CTNND2: variants seen among roughly 807,000 people sequenced by gnomAD.
The protein encoded by CTNND2 is catenin delta-2.
Under a neutral mutation model 144.4 loss-of-function variants are expected in CTNND2, and 22 were observed. The observed-to-expected ratio is 0.15, with a 90% CI of 0.11 to 0.22. CTNND2 has a LOEUF of 0.22. CTNND2 is among the 10% of genes least tolerant of loss of function. The pLI, the probability that CTNND2 is intolerant of heterozygous loss-of-function variation, is 1.00. For missense variants in CTNND2, 1,353 were observed against 1,618.8 expected (o/e 0.84, Z 2.82); for synonymous variants, 751 against 695.6 (o/e 1.08, Z -1.25).
chr5:11,466,408 A>G (rs2149944771), intron 3 of CTNND2, among the ~76,000 whole-genome samples: 1 of 152,322 alleles, frequency 6.6e-6, no homozygotes, highest in Middle Eastern at 3.4e-3. Flanking sequence ...TCAATTTACT[A>G]CTAAGTTCCT....
At chr5:11,865,801 G>A (rs1582029633) in intron 1 of CTNND2, among the ~76,000 whole-genome samples, 1 of 148,372 alleles carries the variant, frequency 6.7e-6, no homozygotes, top group Non-Finnish European at 1.5e-5. Context: ...AACTATAGAC[G>A]TAATGTGGAA....
At chr5:11,879,376 A>ATATATATATGTAT (rs1735856769) in intron 1 of CTNND2, among the ~76,000 whole-genome samples, 1 of 80,512 alleles carries the variant, frequency 1.2e-5, no homozygotes. Flanking sequence ...CACACACACA[A>ATATATATATGTAT]ACATATACAT....
At chr5:11,082,510 CT>C (rs1749683315) in intron 16 of CTNND2, among the ~76,000 whole-genome samples, 185 bp downstream of exon 16, 1 of 152,256 alleles carries the variant, frequency 6.6e-6, no homozygotes, top group Non-Finnish European at 1.5e-5. Context: ...ACATTTTCCT[CT>C]AAATTCTAAA....
At chr5:11,307,009 C>T (rs566025331) in intron 9 of CTNND2, among the ~76,000 whole-genome samples, 46 of 152,256 alleles carry the variant, frequency 3.0e-4, no homozygotes, top group African/African-American at 1.0e-3. Flanking sequence ...CCTAGGGGTG[C>T]AGGTTGAAGG....
chr5:11,638,532 C>T (rs1026917721), intron 2 of CTNND2, among the ~76,000 whole-genome samples: 10 of 152,154 alleles, frequency 6.6e-5, no homozygotes, highest in Non-Finnish European at 1.2e-4. Flanking sequence ...ATGTTTCCCG[C>T]ACAAAAGTTG....
chr5:11,410,163 A>G (rs1197419429), intron 5 of CTNND2, among the ~76,000 whole-genome samples: 1 of 152,158 alleles, frequency 6.6e-6, no homozygotes, highest in Non-Finnish European at 1.5e-5. Context: ...CCTACAAGAG[A>G]AATATATTTA....
chr5:11,355,305 C>T (rs1042169122), intron 8 of CTNND2, among the ~76,000 whole-genome samples: 7 of 151,814 alleles, frequency 4.6e-5, no homozygotes, highest in African/African-American at 1.7e-4. Context: ...TTAAAAAGAT[C>T]GTTCACTATG....
chr5:11,302,051 T>TGGGATCCTTGGCACACCAC (rs1749667753), intron 9 of CTNND2, among the ~76,000 whole-genome samples: 1 of 152,158 alleles, frequency 6.6e-6, no homozygotes, highest in Admixed American at 6.5e-5. Flanking sequence ...GAGCTGGAGC[T>TGGGATCCTTGGCACACCAC]GAGAGGTAAC....
chr5:11,585,032 C>T (rs138713719), intron 2 of CTNND2, among the ~76,000 whole-genome samples: 1 of 152,082 alleles, frequency 6.6e-6, no homozygotes, highest in Non-Finnish European at 1.5e-5. Context: ...GGGAGAGCTG[C>T]GGCATTACAA....
chr5:11,149,400 G>A (rs1757540140), intron 12 of CTNND2, among the ~76,000 whole-genome samples: 1 of 152,186 alleles, frequency 6.6e-6, no homozygotes, highest in African/African-American at 2.4e-5. Flanking sequence ...GTCCAGACAG[G>A]ACTATTATGG....
At chr5:11,000,138 AAC>A (rs1739784747) in intron 18 of CTNND2, among the ~76,000 whole-genome samples, 1 of 152,232 alleles carries the variant, frequency 6.6e-6, no homozygotes, top group Non-Finnish European at 1.5e-5. Context: ...GACTTCTACT[AAC>A]AGTTTGAATG....
intron 12 of CTNND2, among the ~76,000 whole-genome samples, chr5:11,147,915 A>AGAGTGAACACC (rs1561383684): frequency 6.6e-6 from 1 of 152,006 alleles, no homozygotes; most frequent in Non-Finnish European, 1.5e-5. Flanking sequence ...GAGTGAACAC[A>AGAGTGAACACC]GCTCACATGT....
chr5:11,536,826 G>T (rs1774257691), intron 3 of CTNND2, among the ~76,000 whole-genome samples: 1 of 151,986 alleles, frequency 6.6e-6, no homozygotes, highest in Non-Finnish European at 1.5e-5. Flanking sequence ...CACCACTAAA[G>T]AACTTATTTA....
intron 2 of CTNND2, among the ~76,000 whole-genome samples, chr5:11,582,006 AGACTTTT>A (rs1778473365): frequency 6.6e-6 from 1 of 152,208 alleles, no homozygotes; most frequent in Non-Finnish European, 1.5e-5. Context: ...CTTACTCAGA[AGACTTTT>A]ACTGACCAAG....
chr5:11,590,631 T>C (rs2530914), intron 2 of CTNND2, among the ~76,000 whole-genome samples: 41,196 of 151,384 alleles, frequency 0.27, 5,980 homozygotes, highest in African/African-American at 0.38. Context: ...ACACCCTCCC[T>C]GCCCTTGTAA....
chr5:11,297,693 A>G (rs1309948284), intron 9 of CTNND2, among the ~76,000 whole-genome samples: 1 of 152,188 alleles, frequency 6.6e-6, no homozygotes, highest in Non-Finnish European at 1.5e-5. Flanking sequence ...ATAATTTTTA[A>G]GAGTGTAAGG....
rs79510745 is a variant in CTNND2, at chr5:11,507,772, G to A, written c.287+57172C>T. ...TGTGAACAGCAGAAGAAATACGGTC[G>A]TGTGCAGATCACAGCACGAGCAGCC... On this transcript the variant is annotated intron_variant, in intron 3 of 21. Coordinates refer to ENST00000304623, the MANE Select transcript of CTNND2 (RefSeq NM_001332.4). 6.9e-3 allele frequency among the ~76,000 whole-genome samples: 1,053 copies of A among 152,306 alleles called. 12 individuals carry two copies. Among genetic ancestry groups the A allele is most frequent in the African/African-American group, 0.024 (1,004 of 41,564 alleles).
intron 9 of CTNND2, among the ~76,000 whole-genome samples, chr5:11,263,520 AGT>A (rs764588341): frequency 1.1e-3 from 164 of 150,762 alleles, no homozygotes; most frequent in African/African-American, 3.8e-3. Context: ...TGTGTGTGTG[AGT>A]GTGTGTGTGT....
chr5:11,055,890 T>C (rs1276151782), intron 16 of CTNND2, among the ~76,000 whole-genome samples: 1 of 152,202 alleles, frequency 6.6e-6, no homozygotes, highest in Admixed American at 6.5e-5. Context: ...CGGTGGGATG[T>C]CTCTGTGTGC....
Sources: allele counts gnomAD v4.1 joint callset (sites outside exome capture counted in the v4.1 genomes callset), GRCh38; gene constraint gnomAD v4.1.1; transcripts MANE v1.5; gene names NCBI Gene and HGNC (gene_info 2026-07-23, HGNC 2026-07-21).